Variants in CDH13 observed in about 807,000 individuals in gnomAD.
CDH13 encodes the protein cadherin 13.
Under a neutral mutation model 63.8 loss-of-function variants are expected in CDH13, and 24 were observed. The ratio of observed to expected loss-of-function variants is 0.38; its 90% CI spans 0.27 to 0.53. The LOEUF is 0.53. Among genes scored for constraint, CDH13 ranks in the 20% least tolerant of loss-of-function variants. CDH13 has a pLI of 0.85. For synonymous variants in CDH13, 503 were observed against 355.3 expected, an observed-to-expected ratio of 1.42 and a Z score of -4.67; for missense variants, 1,049 against 903.1, an observed-to-expected ratio of 1.16 and a Z score of -2.07.
intron 6 of CDH13, among the ~76,000 whole-genome samples, chr16:83,440,181 T>C (rs2072440823): frequency 6.6e-6 from 1 of 152,216 alleles, no homozygotes; most frequent in African/African-American, 2.4e-5. Flanking sequence ...GTAAAGCTTT[T>C]ATCATTTAAA....
In CDH13 at chr16:83,379,006, T is replaced by TATACACACACAC. The variant is rs540642910; in HGVS notation, c.781+34001_781+34002insTACACACACACA. ...ACACATGCATCTATATATATATATA[T>TATACACACACAC]ACACACACACACACACACACGTGTG... On this transcript the variant is annotated intron_variant, in intron 6 of 13. Coordinates refer to ENST00000567109, the MANE Select transcript of CDH13 (RefSeq NM_001257.5). Among the ~76,000 whole-genome samples, 9 of 148,932 alleles carry TATACACACACAC rather than the reference T, an allele frequency of 6.0e-5. No homozygotes were observed. The South Asian group carries it at 8.5e-4, about 14-fold the overall frequency.
chr16:82,945,229 C>G (rs1001777680), intron 2 of CDH13, among the ~76,000 whole-genome samples: 1 of 152,166 alleles, frequency 6.6e-6, no homozygotes, highest in African/African-American at 2.4e-5. Flanking sequence ...GTGGCAGTCA[C>G]TCAACTGTGC....
At chr16:82,741,036 T>C (rs2033903383) in intron 1 of CDH13, among the ~76,000 whole-genome samples, 1 of 152,192 alleles carries the variant, frequency 6.6e-6, no homozygotes. Context: ...ATAGTTAACC[T>C]TGACCTAGTA....
intron 2 of CDH13, chr16:82,953,234 T>C (rs1368002910): frequency 6.6e-6 from 1 of 152,212 alleles, no homozygotes; most frequent in Admixed American, 6.5e-5. Context: ...CATTACTAAA[T>C]ATCCATTTAT....
At chr16:83,058,670 T>C (rs965223352) in intron 3 of CDH13, among the ~76,000 whole-genome samples, 4 of 152,180 alleles carry the variant, frequency 2.6e-5, no homozygotes, top group African/African-American at 9.7e-5. Flanking sequence ...GTGTCTCCTG[T>C]GTAAATAGAA....
intron 4 of CDH13, among the ~76,000 whole-genome samples, chr16:83,152,469 A>T (rs1210273844): frequency 6.6e-6 from 1 of 152,260 alleles, no homozygotes; most frequent in Non-Finnish European, 1.5e-5. Context: ...AAATGTTGAC[A>T]GTAGGGTTTA....
chr16:83,241,698 G>T (rs4782522), intron 5 of CDH13, among the ~76,000 whole-genome samples: 150,859 of 152,322 alleles, frequency 0.99, 74,726 homozygotes, highest in Middle Eastern at 1. Flanking sequence ...TTTGTTGGAT[G>T]AAGTTGGGGA....
rs189995077 is a variant in CDH13 at position 83,102,106 on chromosome 16, A to T, written c.367-23279A>T. On this transcript the variant is annotated intron_variant, in intron 3 of 13. Transcript: ENST00000567109. The stretch of plus-strand genomic sequence containing the variant: ...AGATGCTACGCTCCTGGCTTTGAAG[A>T]TGAAGGAAGGGTCCATGAGCCAAGG... 2.1e-4 allele frequency among the ~76,000 whole-genome samples: 32 copies of T among 152,272 alleles called. No homozygotes were observed. In the South Asian group the frequency reaches 6.0e-3, roughly 29 times the overall value.
intron 2 of CDH13, among the ~76,000 whole-genome samples, chr16:82,971,517 A>G (rs1270473704): frequency 1.3e-5 from 2 of 152,234 alleles, no homozygotes; most frequent in African/African-American, 2.4e-5. Context: ...TACCAAGTGC[A>G]TCGAAGAATA....
At chr16:82,671,488 T>G (rs1913236339) in intron 1 of CDH13, among the ~76,000 whole-genome samples, 1 of 152,218 alleles carries the variant, frequency 6.6e-6, no homozygotes, top group South Asian at 2.1e-4. Flanking sequence ...TATTTCAAAA[T>G]CAGTTGTTTA....
intron 3 of CDH13, among the ~76,000 whole-genome samples, chr16:83,054,971 T>C (rs991024072): frequency 1.3e-5 from 2 of 152,038 alleles, no homozygotes; most frequent in Non-Finnish European, 2.9e-5. Flanking sequence ...TTTCAAAAGA[T>C]AGAAATCATA....
In CDH13 at chr16:83,014,769, T is replaced by TTTGTATATATGTAC. The variant is rs1914550756; in HGVS notation, c.158-17241_158-17240insTTGTATATATGTAC. Among the ~76,000 whole-genome samples the TTTGTATATATGTAC allele has an allele frequency of 6.2e-5, 3 of 48,650 alleles. No homozygotes were observed. The Admixed American group carries it at 8.6e-4, about 14-fold the overall frequency. The allele number at this position is 48,650 out of a possible 152,430, so 31.9% of individuals were successfully genotyped here. On this transcript the variant is annotated intron_variant, in intron 2 of 13. Transcript: ENST00000567109. ...ATATATATATATATATATATATATA[T>TTTGTATATATGTAC]ATATATGTATATATATATATTTGTA...
intron 1 of CDH13, among the ~76,000 whole-genome samples, chr16:82,827,955 C>G (rs1013472154): frequency 6.6e-5 from 10 of 152,082 alleles, no homozygotes; most frequent in African/African-American, 2.2e-4. Context: ...TCCAGTCATC[C>G]TGGTTTGCCC....
At chr16:83,116,602 T>C (rs2035308406) in intron 3 of CDH13, among the ~76,000 whole-genome samples, 1 of 152,194 alleles carries the variant, frequency 6.6e-6, no homozygotes, top group Non-Finnish European at 1.5e-5. Flanking sequence ...AAGACAAACA[T>C]ATACAGCCAG....
intron 2 of CDH13, among the ~76,000 whole-genome samples, chr16:82,951,601 C>T (rs1440352458): frequency 1.3e-5 from 2 of 152,186 alleles, no homozygotes; most frequent in African/African-American, 4.8e-5. Context: ...GATGCCCAAG[C>T]AGGAGTTTCC....
At chr16:83,424,440 C>T (rs909775749) in intron 6 of CDH13, among the ~76,000 whole-genome samples, 1 of 152,194 alleles carries the variant, frequency 6.6e-6, no homozygotes, top group Non-Finnish European at 1.5e-5. Context: ...GTTGTTCAAA[C>T]TAGTTGGATT....
intron 4 of CDH13, among the ~76,000 whole-genome samples, chr16:83,126,793 C>T (rs369392387): frequency 1.3e-5 from 2 of 152,130 alleles, no homozygotes; most frequent in African/African-American, 2.4e-5. Flanking sequence ...TCATTAAATA[C>T]ACAGTACATG....
chr16:82,773,699 A>G (rs1311268541), intron 1 of CDH13, among the ~76,000 whole-genome samples: 4 of 152,064 alleles, frequency 2.6e-5, no homozygotes, highest in African/African-American at 4.8e-5. Context: ...CCTGAAGCAA[A>G]CTGAAAATAA....
At chr16:83,497,585 G>A (rs1415296256) in intron 7 of CDH13, among the ~76,000 whole-genome samples, 2 of 151,854 alleles carry the variant, frequency 1.3e-5, no homozygotes, top group South Asian at 2.1e-4. Context: ...TGGGTGCAGC[G>A]CACCAGCATG....
Sources: gnomAD v4.1 joint callset for allele counts (sites outside exome capture counted in the v4.1 genomes callset) on GRCh38, gnomAD v4.1.1 for gene constraint, MANE v1.5 for transcripts, NCBI Gene and HGNC (gene_info 2026-07-23, HGNC 2026-07-21) for gene names.